Variants in STRADB observed in about 807,000 individuals in gnomAD.
STRADB encodes the protein STE20-related kinase adapter protein beta.
STRADB carries 34 observed loss-of-function variants against 52.1 expected under a neutral mutation model. That is an observed-to-expected ratio of 0.65 (90% confidence interval 0.50 to 0.87). STRADB has a LOEUF of 0.87. Among genes scored for constraint, STRADB ranks in the 40% least tolerant of loss-of-function variants. The pLI is 0.00. For missense variants in STRADB, 340 were observed against 483.9 expected, an observed-to-expected ratio of 0.70 and a Z score of 2.79; for synonymous variants, 133 against 174.5, an observed-to-expected ratio of 0.76 and a Z score of 1.87.
chr2:201,452,940 T>C (rs1255821101), intron 1 of STRADB, among the ~76,000 whole-genome samples: 1 of 152,228 alleles, frequency 6.6e-6, no homozygotes, highest in African/African-American at 2.4e-5. Context: ...GAATACGAAA[T>C]ATAAGTCTCT....
At chr2:201,458,918 C>A in intron 3 of STRADB, 54 bp downstream of exon 3, 1 of 1,491,434 alleles carries the variant, frequency 6.7e-7, no homozygotes, top group South Asian at 1.2e-5. Context: ...TCCCAACACT[C>A]TGGGAGGCCA....
intron 3 of STRADB, among the ~76,000 whole-genome samples, chr2:201,466,896 C>A (rs1952312637): frequency 6.6e-6 from 1 of 152,062 alleles, no homozygotes; most frequent in South Asian, 2.1e-4. Context: ...AAATAGTCAT[C>A]ATAGAAAAAT....
At chr2:201,467,973 T>A (rs1473204048) in intron 3 of STRADB, among the ~76,000 whole-genome samples, 1 of 149,766 alleles carries the variant, frequency 6.7e-6, no homozygotes, top group Non-Finnish European at 1.5e-5. Flanking sequence ...GGTTTTTTGT[T>A]TTTTTTTTTA....
chr2:201,474,668 T>G lies in STRADB; in HGVS notation c.337T>G (p.Phe113Val). 6.2e-7 allele frequency: 1 copy of G among 1,610,440 alleles called. No homozygotes were observed. The highest frequency in any genetic ancestry group is 8.5e-7 in the Non-Finnish European group (1 of 1,178,960). Residue 113 changes from phenylalanine (F) to valine (V), a missense_variant, in exon 6 of 12, where the codon TTT (phenylalanine) becomes GTT (valine). By Grantham distance (50) the Phe-to-Val change is conservative. Transcript: ENST00000194530. Reference protein sequence around the residue: ...ALQKAVILSHFFRHPNITTYW... With the variant: ...ALQKAVILSHVFRHPNITTYW... ...CTAGAAAGCCGTGATTCTATCCCAC[T>G]TTTTCCGGCATCCCAATATTACAAC...
In STRADB at chr2:201,478,460, C is replaced by G; in HGVS notation, c.929C>G (p.Ser310Cys). 9.9e-6 allele frequency: 16 copies of G among 1,613,830 alleles called. No individual in the cohort carries two copies. Among genetic ancestry groups the G allele is most frequent in the Non-Finnish European group, 1.3e-5 (15 of 1,179,958 alleles). The change falls in exon 10 of 12, where the codon TCT becomes TGT. Residue 310 changes from serine (S) to cysteine (C), a missense_variant. Transcript: ENST00000194530. ...AAAAATTCCCAGTCAGGTGTAGACT[C>G]TGGGATTGGAGAAAGTGTGCTTGTC... ...RMKNSQSGVDSGIGESVLVSS... is the reference protein window; with the variant it reads ...RMKNSQSGVDCGIGESVLVSS...
intron 5 of STRADB, 161 bp from the exon 6 acceptor site, chr2:201,474,486 A>G: frequency 1.8e-6 from 1 of 552,902 alleles, no homozygotes; most frequent in Non-Finnish European, 3.1e-6. Context: ...ATAATATCAC[A>G]TACTTTGTGG....
intron 8 of STRADB, 91 bp downstream of exon 8, chr2:201,477,881 T>C: frequency 1.4e-6 from 2 of 1,459,408 alleles, no homozygotes; most frequent in Non-Finnish European, 1.9e-6. Flanking sequence ...TTTGGATTGG[T>C]GAATGGCCTT....
rs571667442 is a variant in STRADB at position 201,480,245 on chromosome 2, A to G, written c.*70A>G. On this transcript the variant is annotated 3_prime_UTR_variant, in exon 12 of 12. Transcript: ENST00000194530. ...TTGCTGCTTTTTCTTCTGTATTTCTAGGTACAAATACCAGAATTATACTTG... is the reference window on the plus strand; with the variant it reads ...TTGCTGCTTTTTCTTCTGTATTTCTGGGTACAAATACCAGAATTATACTTG... 1 of 1,590,326 alleles carries G rather than the reference A, an allele frequency of 6.3e-7. No homozygotes were observed. The highest frequency in any genetic ancestry group is 1.2e-5 in the South Asian group (1 of 86,788).
chr2:201,452,102 G>C (rs1952051499), intron 1 of STRADB, among the ~76,000 whole-genome samples, 164 bp downstream of exon 1: 1 of 152,034 alleles, frequency 6.6e-6, no homozygotes, highest in African/African-American at 2.4e-5. Context: ...TGGCAAGAAT[G>C]CGGCCCGAGG....
At chr2:201,468,101 T>C (rs113560012) in intron 3 of STRADB, among the ~76,000 whole-genome samples, 9,550 of 146,364 alleles carry the variant, frequency 0.065, 508 homozygotes, top group African/African-American at 0.1. Flanking sequence ...TTTTTTTTTT[T>C]TTTTTTTGGT....
Position 201,480,810 on chromosome 2 carries a change from C to T in STRADB, c.*635C>T. On this transcript the variant is annotated 3_prime_UTR_variant, in exon 12 of 12. Coordinates refer to ENST00000194530, the MANE Select transcript of STRADB (RefSeq NM_018571.6). ...GTAAATTATAGATCCTAAATTCACG[C>T]ACCCCGTGGGAGCTCAATAAAGATT... is the stretch of plus-strand genomic sequence containing the variant. 1.0e-6 allele frequency: 1 copy of T among 985,696 alleles called. No individual in the cohort carries two copies. Among genetic ancestry groups the T allele is most frequent in the Non-Finnish European group, 1.2e-6 (1 of 829,908 alleles). The allele number at this position is 985,696 out of a possible 1,614,324, so 61.1% of individuals were successfully genotyped here. A position where few individuals can be genotyped will look rare whatever the true frequency, so the allele number is the denominator to read the frequency against.
At chr2:201,465,856 T>A (rs1952294466) in intron 3 of STRADB, among the ~76,000 whole-genome samples, 1 of 152,200 alleles carries the variant, frequency 6.6e-6, no homozygotes, top group Admixed American at 6.5e-5. Flanking sequence ...GGCTGCATTC[T>A]TTACTGTGTT....
At chr2:201,477,164 A>G (rs1952491018) in intron 7 of STRADB, among the ~76,000 whole-genome samples, 1 of 129,178 alleles carries the variant, frequency 7.7e-6, no homozygotes, top group South Asian at 2.5e-4. Context: ...TCCTGGGTTC[A>G]TGCCATTCTC....
intron 3 of STRADB, among the ~76,000 whole-genome samples, chr2:201,459,230 A>G (rs752147274): frequency 6.6e-6 from 1 of 151,980 alleles, no homozygotes; most frequent in Non-Finnish European, 1.5e-5. Context: ...CAGATTTCAG[A>G]TTGTCCTGGA....
intron 1 of STRADB, among the ~76,000 whole-genome samples, chr2:201,452,450 G>GT (rs1952060521): frequency 6.6e-6 from 1 of 152,220 alleles, no homozygotes; most frequent in South Asian, 2.1e-4. Flanking sequence ...TCAACGCTGT[G>GT]TTTTTCCCTG....
chr2:201,470,165 A>T, intron 4 of STRADB, 113 bp downstream of exon 4: 1 of 744,902 alleles, frequency 1.3e-6, no homozygotes, highest in Non-Finnish European at 2.3e-6. Context: ...ATAAAACTAG[A>T]TGCTAATTGT....
chr2:201,454,683 G>A, intron 1 of STRADB, 63 bp from the exon 2 acceptor site: 1 of 622,854 alleles, frequency 1.6e-6, no homozygotes, highest in Non-Finnish European at 2.7e-6. Flanking sequence ...ATGGGTTTAA[G>A]GCAACTGGTT....
At position 201,476,981 on chromosome 2, in the gene STRADB, CAAA is replaced by C. The variant is rs749872871; in HGVS notation, c.549-618_549-616del. 3.4e-3 allele frequency among the ~76,000 whole-genome samples: 103 copies of C among 30,046 alleles called. 1 individual carries two copies. The highest frequency in any genetic ancestry group is 0.012 in the African/African-American group (100 of 8,266). 19.7% of individuals were successfully genotyped at this position (30,046 alleles called of 152,430 possible). A position where few individuals can be genotyped will look rare whatever the true frequency, so the allele number is the denominator to read the frequency against. On this transcript the variant is annotated intron_variant, in intron 7 of 11. Transcript: ENST00000194530. ...TGGGCCACAGAGTGAGATTCTGTCT[CAAA>C]AAAAAAAAAAAAAAAAAAAGTGAAA...
At chr2:201,477,563 A>C in intron 7 of STRADB, 56 bp from the exon 8 acceptor site, 36 of 1,471,748 alleles carry the variant, frequency 2.4e-5, no homozygotes, top group East Asian at 6.9e-5. Context: ...CCAGATTTTT[A>C]TTCTTTCTTC....
Sources: allele counts gnomAD v4.1 joint callset (sites outside exome capture counted in the v4.1 genomes callset), GRCh38; gene constraint gnomAD v4.1.1; transcripts MANE v1.5; gene names NCBI Gene and HGNC (gene_info 2026-07-23, HGNC 2026-07-21).